The following ERBB4 variants were observed in gnomAD, a reference collection of about 807,000 sequenced individuals.
ERBB4 encodes the protein erb-b2 receptor tyrosine kinase 4, also known as receptor tyrosine-protein kinase erbB-4.
In ERBB4, 42 loss-of-function variants were observed where a neutral mutation model predicts 158.0. The ratio of observed to expected loss-of-function variants is 0.27; its 90% CI spans 0.21 to 0.34. The LOEUF is 0.34. ERBB4 is among the 10% of genes least tolerant of loss of function. The pLI, the probability that ERBB4 is intolerant of heterozygous loss-of-function variation, is 1.00. For missense variants in ERBB4, 1,333 were observed against 1,624.1 expected, an observed-to-expected ratio of 0.82 and a Z score of 3.08; for synonymous variants, 583 against 558.7, an observed-to-expected ratio of 1.04 and a Z score of -0.61.
At chr2:211,399,886 A>G (rs1488102621) in intron 25 of ERBB4, among the ~76,000 whole-genome samples, 1 of 152,144 alleles carries the variant, frequency 6.6e-6, no homozygotes, top group African/African-American at 2.4e-5. Flanking sequence ...GGCAGATGCA[A>G]AATGTATCCT....
Position 212,093,940 on chromosome 2 carries a change from C to T in ERBB4, c.234+30812G>A, listed in dbSNP as rs67888322. 2.3e-4 allele frequency among the ~76,000 whole-genome samples: 35 copies of T among 151,864 alleles called. 1 individual carries two copies. In the South Asian group the frequency reaches 7.1e-3, roughly 31 times the overall value. On this transcript the variant is annotated intron_variant, in intron 2 of 27. Coordinates refer to ENST00000342788, the MANE Select transcript of ERBB4 (RefSeq NM_005235.3). ...CGCTGTTACTGAATAGTAAGATAAC[C>T]TTTCCTTCCAGTAAGAGACAATGAA... is the stretch of plus-strand genomic sequence containing the variant.
chr2:212,295,593 A>G (rs1437260573), intron 1 of ERBB4, among the ~76,000 whole-genome samples: 3 of 152,102 alleles, frequency 2.0e-5, no homozygotes, highest in African/African-American at 7.2e-5. Flanking sequence ...CAGGGGTTTT[A>G]GAGTCAAGTA....
intron 4 of ERBB4, chr2:211,779,901 A>G (rs753878038): frequency 2.6e-5 from 4 of 152,194 alleles, no homozygotes; most frequent in Admixed American, 1.3e-4. Context: ...GCTAAACCCT[A>G]TATGTCTCAA....
At chr2:211,896,832 A>G (rs1307379717) in intron 3 of ERBB4, among the ~76,000 whole-genome samples, 1 of 152,082 alleles carries the variant, frequency 6.6e-6, no homozygotes, top group Non-Finnish European at 1.5e-5. Flanking sequence ...ATTTTTTAAC[A>G]TGAATGAACA....
chr2:211,696,589 T>A (rs2073030851), intron 12 of ERBB4, among the ~76,000 whole-genome samples: 1 of 152,216 alleles, frequency 6.6e-6, no homozygotes. Flanking sequence ...TGCTCCTGAA[T>A]AATATGTTAT....
chr2:211,875,050 A>AAAAAAAAAAATAAAAAAAAAC (rs66500425), intron 3 of ERBB4, among the ~76,000 whole-genome samples: 1 of 75,872 alleles, frequency 1.3e-5, no homozygotes, highest in Non-Finnish European at 2.6e-5. Flanking sequence ...AAAAAAAAAA[A>AAAAAAAAAAATAAAAAAAAAC]CAAACTCAAA....
chr2:212,309,890 C>T (rs1199241859), intron 1 of ERBB4, among the ~76,000 whole-genome samples: 1 of 150,152 alleles, frequency 6.7e-6, no homozygotes, highest in Non-Finnish European at 1.5e-5. Flanking sequence ...TGTTATCATC[C>T]TATATAATAA....
intron 1 of ERBB4, among the ~76,000 whole-genome samples, chr2:212,515,172 G>C (rs1009196058): frequency 1.3e-5 from 2 of 152,162 alleles, no homozygotes; most frequent in African/African-American, 4.8e-5. Context: ...TGACTACACA[G>C]AACACAGAGA....
chr2:211,412,174 T>A (rs1388461201), intron 25 of ERBB4, among the ~76,000 whole-genome samples: 5 of 152,166 alleles, frequency 3.3e-5, no homozygotes, highest in African/African-American at 1.2e-4. Flanking sequence ...CAAGCCATCC[T>A]AACATTGACA....
Position 211,831,912 on chromosome 2 carries a change from A to C in ERBB4, c.422-43753T>G, listed in dbSNP as rs144633208. Reference sequence around the variant, plus strand: ...CAGCGAGACTCTGTCTCAAAAAAAAAAATAGTAATGTCTTCACTGTACTTT... The same window carrying C: ...CAGCGAGACTCTGTCTCAAAAAAAACAATAGTAATGTCTTCACTGTACTTT... On this transcript the variant is annotated intron_variant, in intron 3 of 27. Coordinates refer to ENST00000342788, the MANE Select transcript of ERBB4 (RefSeq NM_005235.3). Among the ~76,000 whole-genome samples, 677 of 152,068 alleles carry C rather than the reference A, an allele frequency of 4.5e-3. 22 individuals are homozygous for C. The highest frequency in any genetic ancestry group is 0.041 in the Admixed American group (632 of 15,234).
chr2:211,693,338 A>G (rs1281026744), intron 12 of ERBB4, among the ~76,000 whole-genome samples: 1 of 152,196 alleles, frequency 6.6e-6, no homozygotes, highest in African/African-American at 2.4e-5. Context: ...TGTATAAACT[A>G]TAATTAAATA....
At chr2:212,324,217 T>C (rs920263520) in intron 1 of ERBB4, among the ~76,000 whole-genome samples, 10 of 150,510 alleles carry the variant, frequency 6.6e-5, no homozygotes, top group Admixed American at 2.0e-4. Flanking sequence ...GGTAACATAG[T>C]TAAGCCTCTA....
At chr2:212,495,817 T>A (rs768008828) in intron 1 of ERBB4, among the ~76,000 whole-genome samples, 7 of 152,212 alleles carry the variant, frequency 4.6e-5, no homozygotes, top group Admixed American at 2.6e-4. Context: ...CTATTAAGCG[T>A]ATAGACTACA....
At chr2:211,926,926 T>G (rs1474617853) in intron 3 of ERBB4, among the ~76,000 whole-genome samples, 1 of 152,142 alleles carries the variant, frequency 6.6e-6, no homozygotes, top group African/African-American at 2.4e-5. Context: ...TCGGTTATAC[T>G]TAGTCAATGT....
chr2:212,442,515 C>T (rs117594174), intron 1 of ERBB4, among the ~76,000 whole-genome samples: 2,909 of 152,214 alleles, frequency 0.019, 36 homozygotes, highest in East Asian at 0.035. Context: ...TCTGAACTGA[C>T]GTTGATTCCA....
chr2:212,384,431 G>C (rs1213805654), intron 1 of ERBB4, among the ~76,000 whole-genome samples: 1 of 151,472 alleles, frequency 6.6e-6, no homozygotes, highest in African/African-American at 2.4e-5. Flanking sequence ...TATAAGAAAA[G>C]GGGCTCTTTG....
At chr2:212,199,977 A>G (rs781086305) in intron 1 of ERBB4, among the ~76,000 whole-genome samples, 3 of 152,236 alleles carry the variant, frequency 2.0e-5, no homozygotes, top group Non-Finnish European at 2.9e-5. Flanking sequence ...GACATGTTAC[A>G]GTACTAGGTA....
At chr2:212,463,915 G>A (rs1180928321) in intron 1 of ERBB4, among the ~76,000 whole-genome samples, 4 of 152,084 alleles carry the variant, frequency 2.6e-5, no homozygotes, top group Non-Finnish European at 5.9e-5. Flanking sequence ...AAGGGTAACT[G>A]ACATGCAAAC....
At chr2:212,176,458 G>C (rs959459367) in intron 1 of ERBB4, among the ~76,000 whole-genome samples, 2 of 151,966 alleles carry the variant, frequency 1.3e-5, no homozygotes, top group Non-Finnish European at 2.9e-5. Context: ...CTGCAAGCCA[G>C]GGAGAGGGAC....
Sources: allele counts gnomAD v4.1 joint callset (sites outside exome capture counted in the v4.1 genomes callset), GRCh38; gene constraint gnomAD v4.1.1; transcripts MANE v1.5; gene names NCBI Gene and HGNC (gene_info 2026-07-23, HGNC 2026-07-21).